Variants in MYO1D observed in about 807,000 individuals in gnomAD.
MYO1D encodes unconventional myosin-Id.
A neutral mutation model predicts 122.0 loss-of-function variants in MYO1D; 83 were observed. The observed-to-expected ratio is 0.68, with a 90% confidence interval of 0.57 to 0.82. The LOEUF (loss-of-function observed/expected upper bound fraction) is 0.82. Among genes scored for constraint, MYO1D ranks in the 40% least tolerant of loss-of-function variants. The pLI is 0.00. For missense variants in MYO1D, 1,157 were observed against 1,269.5 expected, an observed-to-expected ratio of 0.91 and a Z score of 1.35; for synonymous variants, 464 against 446.9, an observed-to-expected ratio of 1.04 and a Z score of -0.48.
chr17:32,613,789 CAAAA>C (rs60701225), intron 20 of MYO1D, among the ~76,000 whole-genome samples: 9 of 51,060 alleles, frequency 1.8e-4, no homozygotes, highest in Non-Finnish European at 3.0e-4. Flanking sequence ...GATTCCATCT[CAAAA>C]AAAAAAAAAA....
At position 32,780,605 on chromosome 17, in the gene MYO1D, C is replaced by T. The variant is rs779450199; in HGVS notation, c.275G>A (p.Arg92Gln). Residue 92 changes from arginine (R) to glutamine (Q), a missense_variant, in exon 2 of 22, where the codon CGA becomes CAA. By Grantham distance (43) the Arg-to-Gln change is conservative (BLOSUM62 1). Coordinates refer to ENST00000318217, the MANE Select transcript of MYO1D (RefSeq NM_015194.3). Reference protein sequence around the residue: ...ADAAYKAMKRRSKDTCIVISG... With the variant: ...ADAAYKAMKRQSKDTCIVISG... ...TATCACAATACAAGTGTCTTTTGATCGCCTCTTCATAGCCTTGTAAGCAGC... is the reference window on the plus strand; with the variant it reads ...TATCACAATACAAGTGTCTTTTGATTGCCTCTTCATAGCCTTGTAAGCAGC... 2.6e-5 allele frequency: 42 copies of T among 1,613,976 alleles called. No individual in the cohort carries two copies. Among genetic ancestry groups the T allele is most frequent in the Middle Eastern group, 1.6e-4 (1 of 6,084 alleles).
chr17:32,634,045 T>A (rs1170206410), intron 20 of MYO1D, among the ~76,000 whole-genome samples: 1 of 152,210 alleles, frequency 6.6e-6, no homozygotes, highest in African/African-American at 2.4e-5. Flanking sequence ...CTAATACATA[T>A]GTGGCTGGCA....
chr17:32,593,373 G>A (rs971374513), intron 21 of MYO1D, among the ~76,000 whole-genome samples: 9 of 152,174 alleles, frequency 5.9e-5, no homozygotes, highest in African/African-American at 2.2e-4. Flanking sequence ...GAGAGCCCCA[G>A]TAGCATGCTT....
At chr17:32,657,673 C>G (rs2088496160) in intron 17 of MYO1D, among the ~76,000 whole-genome samples, 1 of 152,266 alleles carries the variant, frequency 6.6e-6, no homozygotes, top group Non-Finnish European at 1.5e-5. Context: ...CTGGGACTGT[C>G]TTTCACATCT....
intron 16 of MYO1D, among the ~76,000 whole-genome samples, chr17:32,681,479 A>G (rs2088916348): frequency 6.8e-6 from 1 of 146,046 alleles, no homozygotes; most frequent in African/African-American, 2.5e-5. Flanking sequence ...TTCAAAGAAC[A>G]TCTTTATTTC....
At chr17:32,804,226 A>G (rs1178460734) in intron 1 of MYO1D, among the ~76,000 whole-genome samples, 2 of 152,208 alleles carry the variant, frequency 1.3e-5, no homozygotes, top group African/African-American at 2.4e-5. Context: ...TTGTTATACT[A>G]TATTTTGGGG....
intron 1 of MYO1D, among the ~76,000 whole-genome samples, chr17:32,839,570 C>T (rs2090858778): frequency 6.6e-6 from 1 of 152,074 alleles, no homozygotes; most frequent in African/African-American, 2.4e-5. Flanking sequence ...ATATGGACAG[C>T]AAGTTGAAGG....
At chr17:32,640,658 T>C (rs913357136) in intron 19 of MYO1D, among the ~76,000 whole-genome samples, 13 of 151,340 alleles carry the variant, frequency 8.6e-5, no homozygotes, top group African/African-American at 2.9e-4. Flanking sequence ...CATGAACTAA[T>C]CATTTTTTAT....
At chr17:32,837,275 C>T (rs1270004876) in intron 1 of MYO1D, among the ~76,000 whole-genome samples, 4 of 100,682 alleles carry the variant, frequency 4.0e-5, no homozygotes, top group East Asian at 4.1e-4. Context: ...TTTAACTGGG[C>T]TGTTTGTCTT....
At chr17:32,612,682 C>CAAAAA (rs1262090966) in intron 20 of MYO1D, among the ~76,000 whole-genome samples, 2 of 23,560 alleles carry the variant, frequency 8.5e-5, no homozygotes, top group Non-Finnish European at 1.8e-4. Flanking sequence ...AGACCCATCT[C>CAAAAA]AAAAAAAAAA....
chr17:32,499,803 A>C (rs893986532), intron 21 of MYO1D, among the ~76,000 whole-genome samples: 1 of 151,996 alleles, frequency 6.6e-6, no homozygotes, highest in African/African-American at 2.4e-5. Context: ...TACAAAAAAA[A>C]AAATTAAAAA....
chr17:32,687,353 C>T (rs34320233), intron 16 of MYO1D, among the ~76,000 whole-genome samples: 16,835 of 152,076 alleles, frequency 0.11, 1,297 homozygotes, highest in Non-Finnish European at 0.18. Flanking sequence ...CCTGCCACCA[C>T]GCCCGGCTAA....
chr17:32,747,431 C>T (rs747424964), intron 12 of MYO1D, among the ~76,000 whole-genome samples: 16 of 152,106 alleles, frequency 1.1e-4, no homozygotes, highest in South Asian at 2.1e-4. Flanking sequence ...TCCCTGGAAC[C>T]TGGGAATGTT....
intron 1 of MYO1D, among the ~76,000 whole-genome samples, chr17:32,800,127 G>C (rs370792584): frequency 6.6e-6 from 1 of 152,088 alleles, no homozygotes; most frequent in Admixed American, 6.6e-5. Flanking sequence ...AGACAGTATA[G>C]AGTTCTTCAA....
At chr17:32,803,248 G>A (rs969688357) in intron 1 of MYO1D, among the ~76,000 whole-genome samples, 5 of 152,070 alleles carry the variant, frequency 3.3e-5, no homozygotes, top group African/African-American at 1.2e-4. Flanking sequence ...CCAGGTTCAC[G>A]CCATTCTCCT....
intron 21 of MYO1D, among the ~76,000 whole-genome samples, chr17:32,552,940 TAAAG>T (rs898801913): frequency 1.3e-5 from 2 of 151,852 alleles, no homozygotes; most frequent in African/African-American, 4.8e-5. Context: ...CACAGGCCTT[TAAAG>T]AAGCATGCCA....
intron 19 of MYO1D, among the ~76,000 whole-genome samples, chr17:32,650,297 ACTTT>A (rs2088371403): frequency 6.6e-6 from 1 of 152,098 alleles, no homozygotes; most frequent in Non-Finnish European, 1.5e-5. Context: ...TTGGATGCAT[ACTTT>A]CTTTGTTCCT....
intron 19 of MYO1D, among the ~76,000 whole-genome samples, chr17:32,640,739 G>A (rs1197719838): frequency 6.6e-6 from 1 of 151,070 alleles, no homozygotes; most frequent in African/African-American, 2.4e-5. Context: ...TGGACATTTG[G>A]GTTGGTTCCA....
intron 1 of MYO1D, among the ~76,000 whole-genome samples, chr17:32,876,063 C>G (rs779630594): frequency 2.0e-5 from 3 of 152,126 alleles, no homozygotes; most frequent in Non-Finnish European, 4.4e-5. Context: ...GCTCCATCCA[C>G]TAACTCCTTG....
Sources: allele counts gnomAD v4.1 joint callset (sites outside exome capture counted in the v4.1 genomes callset), GRCh38; gene constraint gnomAD v4.1.1; transcripts MANE v1.5; gene names NCBI Gene and HGNC (gene_info 2026-07-23, HGNC 2026-07-21).